Variants in ZNF600 observed in about 807,000 individuals in gnomAD.
ZNF600 encodes the protein zinc finger protein 600.
In ZNF600, 4 loss-of-function variants were observed where a neutral mutation model predicts 7.3. The ratio of observed to expected loss-of-function variants is 0.55; its 90% CI spans 0.27 to 1.25. The LOEUF (loss-of-function observed/expected upper bound fraction) is 1.25, where lower values mean the gene tolerates loss of function less well. Ranked by LOEUF, ZNF600 falls within the 50% of genes most tolerant of loss-of-function variation. ZNF600 has a pLI of 0.12. For synonymous variants in ZNF600, 290 were observed against 308.9 expected, an observed-to-expected ratio of 0.94 and a Z score of 0.64; for missense variants, 911 against 922.1, an observed-to-expected ratio of 0.99 and a Z score of 0.16.
intron 2 of ZNF600, among the ~76,000 whole-genome samples, chr19:52,775,686 G>A (rs971858396): frequency 1.2e-4 from 19 of 152,222 alleles, no homozygotes; most frequent in African/African-American, 4.1e-4. Flanking sequence ...AAAATCCAAC[G>A]GCTTTGAATG....
the ZNF600 span, among the ~76,000 whole-genome samples, chr19:52,811,264 TGCCTTG>T: frequency 2.0e-5 from 3 of 151,626 alleles, no homozygotes; most frequent in African/African-American, 7.3e-5. Context: ...CCCAGCCGCC[TGCCTTG>T]GCCTCCCAAA....
chr19:52,786,054 C>T (rs940910843), intron 1 of ZNF600, among the ~76,000 whole-genome samples: 19 of 151,756 alleles, frequency 1.3e-4, no homozygotes, highest in African/African-American at 4.6e-4. Context: ...CAGTCCCTCT[C>T]TCTATCTCCT....
intron 1 of ZNF600, among the ~76,000 whole-genome samples, chr19:52,782,745 G>A (rs950041261): frequency 8.6e-5 from 13 of 151,874 alleles, no homozygotes; most frequent in Non-Finnish European, 1.9e-4. Flanking sequence ...GTGTGGTGGC[G>A]GCTGGCTGTA....
chr19:52,814,927 C>T, the ZNF600 span, among the ~76,000 whole-genome samples: 3 of 145,638 alleles, frequency 2.1e-5, 1 homozygote. Context: ...ACTCAAAGTA[C>T]GAAAATCTTT....
exon 4 of ZNF600, chr19:52,765,788 A>C: frequency 6.2e-7 from 1 of 1,613,932 alleles, no homozygotes; most frequent in Non-Finnish European, 8.5e-7. Context: ...GAATTCTCCT[A>C]TGTCTTTTAA....
intron 2 of ZNF600, among the ~76,000 whole-genome samples, chr19:52,778,195 G>A (rs1326783908): frequency 6.6e-6 from 1 of 152,014 alleles, no homozygotes; most frequent in African/African-American, 2.4e-5. Context: ...TGTACTTTTA[G>A]TAGAGGTGGG....
intron 3 of ZNF600, among the ~76,000 whole-genome samples, chr19:52,773,956 G>C (rs1490579275): frequency 1.3e-5 from 2 of 151,658 alleles, no homozygotes; most frequent in African/African-American, 4.8e-5. Context: ...GACCTCAGGT[G>C]ATTCACCCAC....
the ZNF600 span, among the ~76,000 whole-genome samples, chr19:52,815,330 A>C: frequency 6.9e-6 from 1 of 144,048 alleles, no homozygotes; most frequent in South Asian, 2.4e-4. Context: ...AGCCTGGCCA[A>C]CATGGTGAAA....
At chr19:52,828,843 C>CTTTATT in the ZNF600 span, among the ~76,000 whole-genome samples, 1 of 152,116 alleles carries the variant, frequency 6.6e-6, no homozygotes, top group African/African-American at 2.4e-5. Context: ...AGACCAGTGC[C>CTTTATT]TTTATTTTTA....
intron 1 of ZNF600, 82 bp from the exon 4 acceptor site, chr19:52,778,989 C>G (rs1196932682): frequency 2.3e-5 from 31 of 1,320,408 alleles, no homozygotes; most frequent in Non-Finnish European, 3.0e-5. Context: ...CAGGGGAGAC[C>G]TCACCCAGCA....
At chr19:52,801,601 T>C in the ZNF600 span, 1 of 1,614,172 alleles carries the variant, frequency 6.2e-7, no homozygotes, top group South Asian at 1.1e-5. Flanking sequence ...AAATCTCCAA[T>C]GTGATGACTT....
At chr19:52,825,126 G>A in the ZNF600 span, among the ~76,000 whole-genome samples, 1 of 151,978 alleles carries the variant, frequency 6.6e-6, no homozygotes, top group South Asian at 2.1e-4. Flanking sequence ...AAGAAATGAG[G>A]AAATGCCACG....
the ZNF600 span, chr19:52,800,720 C>A: frequency 3.3e-5 from 53 of 1,607,350 alleles, no homozygotes; most frequent in Non-Finnish European, 4.4e-5. Context: ...CAGTATGAAG[C>A]CTACGATGGC....
Sources: allele counts gnomAD v4.1 joint callset (sites outside exome capture counted in the v4.1 genomes callset), GRCh38; gene constraint gnomAD v4.1.1; transcripts MANE v1.5; gene names NCBI Gene and HGNC (gene_info 2026-07-23, HGNC 2026-07-21).